HES2: variants seen among roughly 807,000 people sequenced by gnomAD.
The protein encoded by HES2 is transcription factor HES-2.
HES2 carries 11 observed loss-of-function variants against 11.9 expected under a neutral mutation model. That is an observed-to-expected ratio of 0.92 (90% CI 0.58 to 1.53). The LOEUF is 1.53. Among genes scored for constraint, HES2 ranks in the 40% most tolerant of loss-of-function variants. The probability of loss-of-function intolerance (pLI) is 0.00; values close to 1 mark genes in which losing one functional copy is unlikely to be tolerated. For missense variants in HES2, 260 were observed against 253.8 expected (o/e 1.02, Z -0.16); for synonymous variants, 125 against 122.8 (o/e 1.02, Z -0.12).
chr1:6,417,365 AC>A lies in HES2; in HGVS notation c.*1507del, dbSNP rs2148494786. Reference sequence around the variant, plus strand: ...TGCCCCCGGTGCTCTGGTCCCTAGCACAGGCTGCTGATTTGGGGACTCGGGG... The same window carrying A: ...TGCCCCCGGTGCTCTGGTCCCTAGCAAGGCTGCTGATTTGGGGACTCGGGG... On this transcript the variant is annotated 3_prime_UTR_variant, in exon 4 of 4. Transcript: ENST00000377834. The A allele has an allele frequency of 6.6e-6, 1 of 152,356 alleles. No individual in the cohort carries two copies. The highest frequency in any genetic ancestry group is 6.5e-5 in the Admixed American group (1 of 15,304). The allele number at this position is 152,356 out of a possible 1,614,324, so 9.4% of individuals were successfully genotyped here. A position where few individuals can be genotyped will look rare whatever the true frequency, so the allele number is the denominator to read the frequency against.
rs1011120819 is a variant in HES2 at position 6,416,831 on chromosome 1, G to A, written c.*2042C>T. 2.0e-5 allele frequency: 3 copies of A among 152,276 alleles called. No individual in the cohort carries two copies. The highest frequency in any genetic ancestry group is 2.9e-5 in the Non-Finnish European group (2 of 68,086). 9.4% of individuals were successfully genotyped at this position (152,276 alleles called of 1,614,324 possible). ...GGGCCGCAGGTTACCTGCTCCCGGA[G>A]GCTCACAAAGGCAGTGCCAACAGGC... On this transcript the variant is annotated 3_prime_UTR_variant, in exon 4 of 4. Transcript: ENST00000377834.
rs1642882008 is a variant in HES2 at position 6,419,168 on chromosome 1, C to T, written c.242-15G>A. 17 of 1,557,646 alleles carry T rather than the reference C, an allele frequency of 1.1e-5. No individual in the cohort carries two copies. Among genetic ancestry groups the T allele is most frequent in the Non-Finnish European group, 1.4e-5 (16 of 1,159,344 alleles). On this transcript the variant is annotated splice_polypyrimidine_tract_variant and intron_variant, in intron 3 of 3. Transcript: ENST00000377834. The surrounding 1 kb of genome is among the most constrained non-coding windows in gnomAD (Gnocchi z 8.1). ...GTCGCAAGGCACTGCGGGCGGAGAGCCGCGTGAGGCGCGGGGTAGGGTGCC... is the reference window on the plus strand; with the variant it reads ...GTCGCAAGGCACTGCGGGCGGAGAGTCGCGTGAGGCGCGGGGTAGGGTGCC...
Position 6,415,275 on chromosome 1 carries a change from T to A in HES2, c.*3598A>T, listed in dbSNP as rs1389833711. 1 of 143,142 alleles carries A rather than the reference T, an allele frequency of 7.0e-6. No homozygotes were observed. The highest frequency in any genetic ancestry group is 3.0e-5 in the African/African-American group (1 of 33,762). 8.9% of individuals were successfully genotyped at this position (143,142 alleles called of 1,614,324 possible). A position where few individuals can be genotyped will look rare whatever the true frequency, so the allele number is the denominator to read the frequency against. On this transcript the variant is annotated 3_prime_UTR_variant, in exon 4 of 4. Transcript: ENST00000377834. ...TATTGCACGTCAAGATATTGCCTTT[T>A]TTTTTTTTTAAACAAATTGAAGGTT...
Position 6,419,663 on chromosome 1 carries a change from T to TGCGC in HES2, c.81_84dup (p.Ile29AlafsTer10), listed in dbSNP as rs767846365. 1 of 1,555,210 alleles carries TGCGC rather than the reference T, an allele frequency of 6.4e-7. No individual in the cohort carries two copies. The highest frequency in any genetic ancestry group is 1.4e-5 in the African/African-American group (1 of 72,830). ...TTAAGCTGGCTCAGGCTCTGGTTGA[T>TGCGC]GCGCGCGCGCCGGCGCTTCTCCAGC... On this transcript the variant is annotated frameshift_variant, in exon 2 of 4. Coordinates refer to ENST00000377834, the MANE Select transcript of HES2 (RefSeq NM_019089.5). LOFTEE classifies it high-confidence loss of function. The surrounding 1 kb of genome is among the most constrained non-coding windows in gnomAD (Gnocchi z 8.1).
In HES2 at chr1:6,418,905, G is replaced by C; in HGVS notation, c.490C>G (p.Pro164Ala). Residue 164 changes from proline (P) to alanine (A), a missense_variant, in exon 4 of 4, where the codon CCC becomes GCC. Pro to Ala is a conservative substitution (Grantham distance 27). Transcript: ENST00000377834. ...GGCCGCCAGAGGCCAGGGCCGCAGG[G>C]AGGCGAGGGCGGCGAGGGCACCGGA... ...SAPVPSPPSPPCGPGLWRPW is the reference protein window; with the variant it reads ...SAPVPSPPSPACGPGLWRPW 7.6e-7 allele frequency: 1 copy of C among 1,316,240 alleles called. No homozygotes were observed. Among genetic ancestry groups the C allele is most frequent in the African/African-American group, 1.5e-5 (1 of 64,970 alleles). The allele number at this position is 1,316,240 out of a possible 1,614,324, so 81.5% of individuals were successfully genotyped here.
rs771432760 is a variant in HES2 at position 6,419,320 on chromosome 1, T to C, written c.162A>G (p.Leu54=). The stretch of plus-strand genomic sequence containing the variant: ...TCATTTCCAGGACGTCTGCCTTCTC[T>C]AGCTTCGAGCAGTTGGAGTTCTGCG... ...LGRENSNCSK[L]EKADVLEMTV... is the part of the protein sequence containing the mutation. Residue 54 remains leucine (L), a synonymous_variant, in exon 3 of 4, where the codon CTA becomes CTG. Transcript: ENST00000377834. The surrounding 1 kb of genome is among the most constrained non-coding windows in gnomAD (Gnocchi z 8.1). The C allele has an allele frequency of 1.9e-5, 30 of 1,608,262 alleles. No individual in the cohort carries two copies. Among genetic ancestry groups the C allele is most frequent in the Non-Finnish European group, 2.5e-5 (30 of 1,177,122 alleles).
In HES2 at chr1:6,419,127, AG is replaced by A; in HGVS notation, c.267del (p.Tyr90ThrfsTer22). On this transcript the variant is annotated frameshift_variant, in exon 4 of 4. Transcript: ENST00000377834. LOFTEE classifies it low-confidence loss of function (END_TRUNC). This position sits in a 1 kb window ranked among gnomAD's most constrained non-coding sequence, Gnocchi z 8.1. ...GCCAGGCGCGCCACACAGGCGCTGT[AG>A]CCCTCGCGGTAGCTGTCGCAAGGCA... ...APLPCDSYRE[G>X]YSACVARLAR... is the part of the protein sequence containing the mutation. The A allele has an allele frequency of 6.6e-7, 1 of 1,522,008 alleles. No homozygotes were observed. Among genetic ancestry groups the A allele is most frequent in the South Asian group, 1.2e-5 (1 of 82,882 alleles). The allele number at this position is 1,522,008 out of a possible 1,614,324, so 94.3% of individuals were successfully genotyped here.
Position 6,416,114 on chromosome 1 carries a change from CTT to C in HES2, c.*2757_*2758del, listed in dbSNP as rs1642846028. The C allele has an allele frequency of 6.6e-6, 1 of 152,278 alleles. No individual in the cohort carries two copies. Among genetic ancestry groups the C allele is most frequent in the Non-Finnish European group, 1.5e-5 (1 of 68,070 alleles). 9.4% of individuals were successfully genotyped at this position (152,278 alleles called of 1,614,324 possible). A position where few individuals can be genotyped will look rare whatever the true frequency, so the allele number is the denominator to read the frequency against. On this transcript the variant is annotated 3_prime_UTR_variant, in exon 4 of 4. Transcript: ENST00000377834. Reference sequence around the variant, plus strand: ...TTTTATGAGAAAGAGACATGGGAGCCTTTTCCCCAGCTGGGGCAATCATCAGA... The same window carrying C: ...TTTTATGAGAAAGAGACATGGGAGCCTTCCCCAGCTGGGGCAATCATCAGA...
rs1335774826 is a variant in HES2 at position 6,417,115 on chromosome 1, T to G, written c.*1758A>C. 6.6e-6 allele frequency: 1 copy of G among 152,290 alleles called. No homozygotes were observed. The highest frequency in any genetic ancestry group is 1.9e-4 in the East Asian group (1 of 5,206). 9.4% of individuals were successfully genotyped at this position (152,290 alleles called of 1,614,324 possible). On this transcript the variant is annotated 3_prime_UTR_variant, in exon 4 of 4. Transcript: ENST00000377834. ...CGTGGAGGCACGCTCAGCCCCAGCCTCGCCCTCCGGGAGCTTACAGTCTAA... is the reference window on the plus strand; with the variant it reads ...CGTGGAGGCACGCTCAGCCCCAGCCGCGCCCTCCGGGAGCTTACAGTCTAA...
chr1:6,419,496 C>T lies in HES2; in HGVS notation c.141+111G>A. On this transcript the variant is annotated intron_variant, in intron 2 of 3. Coordinates refer to ENST00000377834, the MANE Select transcript of HES2 (RefSeq NM_019089.5). This position sits in a 1 kb window ranked among gnomAD's most constrained non-coding sequence, Gnocchi z 8.1. ...ACGCGCCCACCCCACCCAGGCTCCG[C>T]CTCGGGCGCCGCGCGGAACCCCCTG... The T allele has an allele frequency of 8.3e-7, 1 of 1,211,692 alleles. No individual in the cohort carries two copies. The highest frequency in any genetic ancestry group is 1.1e-6 in the Non-Finnish European group (1 of 893,480). 75.1% of individuals were successfully genotyped at this position (1,211,692 alleles called of 1,614,324 possible). A position where few individuals can be genotyped will look rare whatever the true frequency, so the allele number is the denominator to read the frequency against.
chr1:6,419,515 C>T lies in HES2; in HGVS notation c.141+92G>A. 2 of 1,266,894 alleles carry T rather than the reference C, an allele frequency of 1.6e-6. No homozygotes were observed. The highest frequency in any genetic ancestry group is 2.1e-6 in the Non-Finnish European group (2 of 944,106). The allele number at this position is 1,266,894 out of a possible 1,614,324, so 78.5% of individuals were successfully genotyped here. ...GCTCCGCCTCGGGCGCCGCGCGGAA[C>T]CCCCTGGTGGGTTCCTCCCGCAGGA... On this transcript the variant is annotated intron_variant, in intron 2 of 3. Coordinates refer to ENST00000377834, the MANE Select transcript of HES2 (RefSeq NM_019089.5). This position sits in a 1 kb window ranked among gnomAD's most constrained non-coding sequence, Gnocchi z 8.1.
chr1:6,419,295 TCATTTC>T lies in HES2; in HGVS notation c.181_186del (p.Glu61_Met62del), dbSNP rs903907415. The T allele has an allele frequency of 1.2e-6, 2 of 1,610,766 alleles. No homozygotes were observed. Among genetic ancestry groups the T allele is most frequent in the African/African-American group, 2.7e-5 (2 of 74,702 alleles). ...GGCAGCTCCTGCAGGAAGCGCACGG[TCATTTC>T]CAGGACGTCTGCCTTCTCTAGCTTC... On this transcript the variant is annotated inframe_deletion, in exon 3 of 4. Transcript: ENST00000377834. This position sits in a 1 kb window ranked among gnomAD's most constrained non-coding sequence, Gnocchi z 8.1.
chr1:6,419,837 G>A lies in HES2; in HGVS notation c.-17C>T. The A allele has an allele frequency of 6.5e-7, 1 of 1,542,004 alleles. No homozygotes were observed. Among genetic ancestry groups the A allele is most frequent in the Non-Finnish European group, 8.7e-7 (1 of 1,149,410 alleles). ...CAGCCCCATGCTCCGCGGGGAAGCG[G>A]TGGCAGCTGCGAGCCCCACGCAAAG... On this transcript the variant is annotated 5_prime_UTR_variant, in exon 1 of 4. Coordinates refer to ENST00000377834, the MANE Select transcript of HES2 (RefSeq NM_019089.5). This position sits in a 1 kb window ranked among gnomAD's most constrained non-coding sequence, Gnocchi z 8.1.
Position 6,419,372 on chromosome 1 carries a change from A to G in HES2, c.142-32T>C. The stretch of plus-strand genomic sequence containing the variant: ...CCGGCCACGAGGAAGAGCGACAGAG[A>G]ACCACCAAGACAGAACTTTGGCCGG... On this transcript the variant is annotated intron_variant, in intron 2 of 3. Transcript: ENST00000377834. This position sits in a 1 kb window ranked among gnomAD's most constrained non-coding sequence, Gnocchi z 8.1. 6.4e-7 allele frequency: 1 copy of G among 1,567,746 alleles called. No homozygotes were observed. The highest frequency in any genetic ancestry group is 1.1e-5 in the South Asian group (1 of 88,264).
chr1:6,419,587 C>T lies in HES2; in HGVS notation c.141+20G>A. The T allele has an allele frequency of 6.6e-7, 1 of 1,524,064 alleles. No homozygotes were observed. The highest frequency in any genetic ancestry group is 2.5e-5 in the East Asian group (1 of 39,490). 94.4% of individuals were successfully genotyped at this position (1,524,064 alleles called of 1,614,324 possible). On this transcript the variant is annotated intron_variant, in intron 2 of 3. Coordinates refer to ENST00000377834, the MANE Select transcript of HES2 (RefSeq NM_019089.5). The surrounding 1 kb of genome is among the most constrained non-coding windows in gnomAD (Gnocchi z 8.1). ...GCTCCGCGCCCCAGGACCCTCTGCCCTCCGCCCGGGCGCGCTCACCTCCCG... is the reference window on the plus strand; with the variant it reads ...GCTCCGCGCCCCAGGACCCTCTGCCTTCCGCCCGGGCGCGCTCACCTCCCG...
Position 6,419,670 on chromosome 1 carries a change from G to A in HES2, c.78C>T (p.Arg26=), listed in dbSNP as rs1023083897. The A allele has an allele frequency of 4.4e-5, 69 of 1,555,404 alleles. No individual in the cohort carries two copies. Among genetic ancestry groups the A allele is most frequent in the Non-Finnish European group, 5.6e-5 (65 of 1,153,656 alleles). The part of the protein sequence containing the change: ...SLKPLLEKRR[R]ARINQSLSQL... Reference sequence around the variant, plus strand: ...GGCTCAGGCTCTGGTTGATGCGCGCGCGCCGGCGCTTCTCCAGCAGCGGCT... The same window carrying A: ...GGCTCAGGCTCTGGTTGATGCGCGCACGCCGGCGCTTCTCCAGCAGCGGCT... The change falls in exon 2 of 4, where the codon CGC becomes CGT. Residue 26 remains arginine, a synonymous_variant. Coordinates refer to ENST00000377834, the MANE Select transcript of HES2 (RefSeq NM_019089.5). This position sits in a 1 kb window ranked among gnomAD's most constrained non-coding sequence, Gnocchi z 8.1.
chr1:6,415,915 G>C lies in HES2; in HGVS notation c.*2958C>G, dbSNP rs890270907. ...CTCCTCAGCCTCCCAAGTAGCTGGGGTTACAGGCACCCGCCGTCATGCCCA... is the reference window on the plus strand; with the variant it reads ...CTCCTCAGCCTCCCAAGTAGCTGGGCTTACAGGCACCCGCCGTCATGCCCA... On this transcript the variant is annotated 3_prime_UTR_variant, in exon 4 of 4. Coordinates refer to ENST00000377834, the MANE Select transcript of HES2 (RefSeq NM_019089.5). 1.3e-5 allele frequency: 2 copies of C among 152,204 alleles called. No homozygotes were observed. Among genetic ancestry groups the C allele is most frequent in the Admixed American group, 6.5e-5 (1 of 15,270 alleles). The allele number at this position is 152,204 out of a possible 1,614,324, so 9.4% of individuals were successfully genotyped here. A position where few individuals can be genotyped will look rare whatever the true frequency, so the allele number is the denominator to read the frequency against.
At position 6,415,402 on chromosome 1, in the gene HES2, T is replaced by C. The variant is rs1642835110; in HGVS notation, c.*3471A>G. On this transcript the variant is annotated 3_prime_UTR_variant, in exon 4 of 4. Transcript: ENST00000377834. Reference sequence around the variant, plus strand: ...CACACTTTCGCAATTCTTGCAATATTTCAAACTTCTTCCTTATTATATCTG... The same window carrying C: ...CACACTTTCGCAATTCTTGCAATATCTCAAACTTCTTCCTTATTATATCTG... The C allele has an allele frequency of 6.6e-6, 1 of 152,088 alleles. No individual in the cohort carries two copies. Among genetic ancestry groups the C allele is most frequent in the Admixed American group, 6.6e-5 (1 of 15,248 alleles). 9.4% of individuals were successfully genotyped at this position (152,088 alleles called of 1,614,324 possible). A position where few individuals can be genotyped will look rare whatever the true frequency, so the allele number is the denominator to read the frequency against.
At position 6,416,963 on chromosome 1, in the gene HES2, G is replaced by A. The variant is rs1571371553; in HGVS notation, c.*1910C>T. 1 of 152,444 alleles carries A rather than the reference G, an allele frequency of 6.6e-6. No homozygotes were observed. Among genetic ancestry groups the A allele is most frequent in the East Asian group, 1.9e-4 (1 of 5,184 alleles). 9.4% of individuals were successfully genotyped at this position (152,444 alleles called of 1,614,324 possible). ...GTAAATATCCAACAGTGATCCCAGGGCATGGGAGTGGGAGTTAAGGCAAAT... is the reference window on the plus strand; with the variant it reads ...GTAAATATCCAACAGTGATCCCAGGACATGGGAGTGGGAGTTAAGGCAAAT... On this transcript the variant is annotated 3_prime_UTR_variant, in exon 4 of 4. Coordinates refer to ENST00000377834, the MANE Select transcript of HES2 (RefSeq NM_019089.5).
Sources: gnomAD v4.1 joint callset for allele counts on GRCh38, gnomAD v4.1.1 for gene constraint, Gnocchi (gnomAD v3.1) non-coding constraint, MANE v1.5 for transcripts, NCBI Gene and HGNC (gene_info 2026-07-23, HGNC 2026-07-21) for gene names.